ADAM9: variants seen among roughly 807,000 people sequenced by gnomAD.
ADAM9 encodes disintegrin and metalloproteinase domain-containing protein 9.
A neutral mutation model predicts 108.1 loss-of-function variants in ADAM9; 54 were observed. The ratio of observed to expected loss-of-function variants is 0.50; its 90% CI spans 0.40 to 0.63. The LOEUF (loss-of-function observed/expected upper bound fraction) is 0.63, where lower values mean the gene tolerates loss of function less well. Among genes scored for constraint, ADAM9 ranks in the 20% least tolerant of loss-of-function variants. ADAM9 has a pLI of 0.00. For missense variants in ADAM9, 830 were observed against 997.7 expected (o/e 0.83, Z 2.26); for synonymous variants, 316 against 336.0 (o/e 0.94, Z 0.65).
At chr8:39,094,186 A>G (rs6984910) in intron 20 of ADAM9, among the ~76,000 whole-genome samples, 6,225 of 152,194 alleles carry the variant, frequency 0.041, 436 homozygotes, top group African/African-American at 0.14. Context: ...TTGTTAGTCT[A>G]TGTTCTTCAT....
At position 39,026,748 on chromosome 8, in the gene ADAM9, T is replaced by C; in HGVS notation, c.1068T>C (p.Asn356=). The C allele has an allele frequency of 5.0e-6, 8 of 1,614,176 alleles. No homozygotes were observed. Among genetic ancestry groups the C allele is most frequent in the Non-Finnish European group, 6.8e-6 (8 of 1,180,010 alleles). The change falls in exon 11 of 22, where the codon AAT becomes AAC. Residue 356 remains asparagine, a synonymous_variant. Coordinates refer to ENST00000487273, the MANE Select transcript of ADAM9 (RefSeq NM_003816.3). ...AATTGGGTCATAATCTTGGAATGAA[T>C]CACGATGATGGGAGAGATTGTTCCT... ...AHELGHNLGM[N]HDDGRDCSCG...
At chr8:39,096,530 G>A (rs1432206277) in intron 20 of ADAM9, among the ~76,000 whole-genome samples, 1 of 151,814 alleles carries the variant, frequency 6.6e-6, no homozygotes, top group Non-Finnish European at 1.5e-5. Flanking sequence ...TACTTTTTAT[G>A]CTATGCTTTT....
intron 19 of ADAM9, 68 bp downstream of exon 19, chr8:39,090,256 G>A (rs146836523): frequency 4.8e-5 from 66 of 1,383,450 alleles, no homozygotes; most frequent in Non-Finnish European, 5.9e-5. Flanking sequence ...ACAGAATCTC[G>A]ACTTCCCTGG....
Position 39,068,633 on chromosome 8 carries a change from C to T in ADAM9, c.1592-2665C>T, listed in dbSNP as rs146590160. Among the ~76,000 whole-genome samples the T allele has an allele frequency of 9.1e-3, 1,131 of 124,182 alleles. 16 individuals are homozygous for T. The highest frequency in any genetic ancestry group is 0.033 in the African/African-American group (1,083 of 32,888). 81.5% of individuals were successfully genotyped at this position (124,182 alleles called of 152,430 possible). ...GAGGTTGCATTGAGCCGAGATCATG[C>T]CATTGCACTCCAGCCCGAGTGACAA... On this transcript the variant is annotated intron_variant, in intron 14 of 21. Transcript: ENST00000487273.
intron 14 of ADAM9, among the ~76,000 whole-genome samples, chr8:39,061,512 A>T (rs988647800): frequency 1.3e-5 from 2 of 152,056 alleles, no homozygotes; most frequent in Non-Finnish European, 2.9e-5. Context: ...GAAAGGTCGA[A>T]TTTTTTTCTC....
intron 6 of ADAM9, 133 bp from the exon 7 acceptor site, chr8:39,018,720 C>A (rs956803156): frequency 1.8e-5 from 15 of 815,050 alleles, no homozygotes; most frequent in Non-Finnish European, 2.9e-5. Context: ...TTTTCACTTT[C>A]TTGATATAGG....
intron 2 of ADAM9, among the ~76,000 whole-genome samples, chr8:39,011,365 C>T (rs762695307): frequency 9.2e-5 from 14 of 151,974 alleles, no homozygotes; most frequent in Admixed American, 2.0e-4. Flanking sequence ...GGTAATACAT[C>T]GATGGACTTG....
intron 12 of ADAM9, among the ~76,000 whole-genome samples, chr8:39,051,771 T>G (rs1837964995): frequency 6.6e-6 from 1 of 152,224 alleles, no homozygotes; most frequent in African/African-American, 2.4e-5. Flanking sequence ...TATCATTTTA[T>G]TATGTAGACA....
At chr8:38,997,567 G>A (rs1205407048) in intron 1 of ADAM9, among the ~76,000 whole-genome samples, 1 of 152,228 alleles carries the variant, frequency 6.6e-6, no homozygotes, top group Non-Finnish European at 1.5e-5. Flanking sequence ...TGCAGGGAGG[G>A]AGCTGGCTCT....
intron 5 of ADAM9, chr8:39,016,995 G>C (rs1196750774): frequency 1.8e-6 from 1 of 543,068 alleles, no homozygotes; most frequent in Non-Finnish European, 3.3e-6. Context: ...ATCACTCAGG[G>C]AGGTTAAGTG....
At chr8:39,068,675 C>CAAAAAAAAAAAAAAAAAA (rs562274321) in intron 14 of ADAM9, among the ~76,000 whole-genome samples, 4 of 42,010 alleles carry the variant, frequency 9.5e-5, no homozygotes, top group Non-Finnish European at 1.9e-4. Context: ...AACTTCTCCT[C>CAAAAAAAAAAAAAAAAAA]AAAAAAAAAA....
intron 7 of ADAM9, among the ~76,000 whole-genome samples, chr8:39,021,229 T>G (rs1337425913): frequency 1.3e-5 from 2 of 152,200 alleles, no homozygotes; most frequent in Non-Finnish European, 2.9e-5. Context: ...AATGCCTCAA[T>G]TTTTTGTTCA....
At chr8:39,050,218 G>A (rs933073355) in intron 12 of ADAM9, among the ~76,000 whole-genome samples, 2 of 152,094 alleles carry the variant, frequency 1.3e-5, no homozygotes, top group African/African-American at 4.8e-5. Flanking sequence ...TAATTTGATT[G>A]TAATGTTTCT....
chr8:39,032,758 A>G (rs1564275046), intron 11 of ADAM9, among the ~76,000 whole-genome samples: 1 of 152,164 alleles, frequency 6.6e-6, no homozygotes, highest in Non-Finnish European at 1.5e-5. Flanking sequence ...CGTCTGTTAC[A>G]CTGGGAGCTG....
chr8:39,072,283 A>AT (rs1241982177), intron 15 of ADAM9, among the ~76,000 whole-genome samples: 1 of 152,174 alleles, frequency 6.6e-6, no homozygotes, highest in Non-Finnish European at 1.5e-5. Flanking sequence ...TTATTCTGTA[A>AT]TATTATCATT....
At chr8:39,078,316 G>T (rs1321212349) in intron 16 of ADAM9, among the ~76,000 whole-genome samples, 2 of 146,996 alleles carry the variant, frequency 1.4e-5, no homozygotes, top group East Asian at 4.1e-4. Context: ...CAATAAGGTG[G>T]TAACAATCTA....
chr8:39,037,942 C>G (rs761814771), intron 11 of ADAM9, among the ~76,000 whole-genome samples: 40 of 152,174 alleles, frequency 2.6e-4, no homozygotes, highest in Non-Finnish European at 5.7e-4. Flanking sequence ...ATAGTCTTCC[C>G]CATGTGAATT....
intron 11 of ADAM9, among the ~76,000 whole-genome samples, chr8:39,030,844 A>G (rs1055071566): frequency 4.6e-5 from 7 of 152,366 alleles, no homozygotes; most frequent in African/African-American, 1.7e-4. Context: ...CCCTGATGAC[A>G]TAGGATGTAG....
At chr8:39,027,729 AG>A (rs1351660642) in intron 11 of ADAM9, among the ~76,000 whole-genome samples, 1 of 152,134 alleles carries the variant, frequency 6.6e-6, no homozygotes, top group East Asian at 1.9e-4. Context: ...ATGTAACTGT[AG>A]TTCGTACGTG....
Sources: allele counts gnomAD v4.1 joint callset (sites outside exome capture counted in the v4.1 genomes callset), GRCh38; gene constraint gnomAD v4.1.1; transcripts MANE v1.5; gene names NCBI Gene and HGNC (gene_info 2026-07-23, HGNC 2026-07-21).